Variants in BCKDHB observed in about 807,000 individuals in gnomAD.
BCKDHB encodes the protein branched chain keto acid dehydrogenase E1 subunit beta.
In BCKDHB, 41 loss-of-function variants were observed where a neutral mutation model predicts 48.5. The observed-to-expected ratio is 0.85, with a 90% CI of 0.66 to 1.10. BCKDHB has a LOEUF of 1.10. BCKDHB is among the 50% of genes least tolerant of loss of function. The pLI is 0.00. For synonymous variants in BCKDHB, 201 were observed against 174.8 expected (o/e 1.15, Z -1.18); for missense variants, 496 against 494.2 (o/e 1.00, Z -0.03).
the BCKDHB span, among the ~76,000 whole-genome samples, chr6:80,395,029 C>T: frequency 6.6e-6 from 1 of 152,252 alleles, no homozygotes; most frequent in African/African-American, 2.4e-5. Context: ...TTTTCTGAGG[C>T]CCTCCCAGCC....
intron 6 of BCKDHB, among the ~76,000 whole-genome samples, chr6:80,200,425 C>T (rs531629541): frequency 5.5e-4 from 83 of 152,210 alleles, no homozygotes; most frequent in Admixed American, 1.3e-4. Context: ...TCCAAACCCC[C>T]ATAAATTTGC....
chr6:80,403,807 A>G, the BCKDHB span, among the ~76,000 whole-genome samples: 1 of 151,976 alleles, frequency 6.6e-6, no homozygotes, highest in African/African-American at 2.4e-5. Context: ...ATTTTGTTGC[A>G]TGCCTTTTCT....
intron 8 of BCKDHB, among the ~76,000 whole-genome samples, chr6:80,220,304 G>GTTTTTTTTTTTTTTTTTTT (rs56967096): frequency 2.6e-4 from 16 of 60,852 alleles, no homozygotes; most frequent in Non-Finnish European, 3.8e-4. Context: ...CATGCTATTT[G>GTTTTTTTTTTTTTTTTTTT]TTTTTTTTTT....
intron 9 of BCKDHB, among the ~76,000 whole-genome samples, chr6:80,326,437 G>A (rs1769033366): frequency 6.6e-6 from 1 of 152,138 alleles, no homozygotes; most frequent in Admixed American, 6.5e-5. Context: ...CCATAGTATA[G>A]TATAGGTTAT....
intron 8 of BCKDHB, among the ~76,000 whole-genome samples, chr6:80,226,692 A>G (rs1333517425): frequency 2.6e-5 from 4 of 152,212 alleles, no homozygotes; most frequent in Admixed American, 6.5e-5. Context: ...GTTTTAGTGA[A>G]TGGGTGAGAA....
chr6:80,381,090 G>C, the BCKDHB span, among the ~76,000 whole-genome samples: 1 of 151,842 alleles, frequency 6.6e-6, no homozygotes, highest in Admixed American at 6.6e-5. Context: ...AAATGATCTG[G>C]TATTATTTTG....
At chr6:80,364,742 A>G in the BCKDHB span, among the ~76,000 whole-genome samples, 3 of 152,190 alleles carry the variant, frequency 2.0e-5, no homozygotes, top group African/African-American at 7.2e-5. Flanking sequence ...AATGTTGGCA[A>G]TTCATAGAAA....
chr6:80,370,812 ATATATATGTG>A, the BCKDHB span, among the ~76,000 whole-genome samples: 16 of 108,332 alleles, frequency 1.5e-4, no homozygotes, highest in African/African-American at 4.8e-4. Context: ...GTGTGTGTAT[ATATATATGTG>A]TGTGTGTGTG....
chr6:80,168,018 A>G (rs1320797050), intron 4 of BCKDHB, among the ~76,000 whole-genome samples: 1 of 152,140 alleles, frequency 6.6e-6, no homozygotes, highest in Non-Finnish European at 1.5e-5. Flanking sequence ...AGTGGCTCAC[A>G]TCTGCAATCC....
the BCKDHB span, among the ~76,000 whole-genome samples, chr6:80,418,022 G>A: frequency 9.9e-5 from 15 of 151,938 alleles, no homozygotes; most frequent in African/African-American, 3.4e-4. Context: ...TGGAGGTTTT[G>A]TTTTTTCCTT....
intron 1 of BCKDHB, among the ~76,000 whole-genome samples, chr6:80,120,945 T>A (rs1020232098): frequency 6.6e-6 from 1 of 152,232 alleles, no homozygotes; most frequent in African/African-American, 2.4e-5. Context: ...CCTATACCTA[T>A]GTCCTGAATG....
At chr6:80,129,407 A>G (rs1276435536) in intron 3 of BCKDHB, among the ~76,000 whole-genome samples, 178 bp downstream of exon 3, 1 of 152,138 alleles carries the variant, frequency 6.6e-6, no homozygotes, top group African/African-American at 2.4e-5. Flanking sequence ...GTCTTCTAGT[A>G]TCCCTCTGAT....
At chr6:80,232,049 C>A (rs1775947668) in intron 8 of BCKDHB, among the ~76,000 whole-genome samples, 1 of 152,180 alleles carries the variant, frequency 6.6e-6, no homozygotes, top group African/African-American at 2.4e-5. Context: ...AAAATTTATT[C>A]TGTTTTTTCA....
the BCKDHB span, among the ~76,000 whole-genome samples, chr6:80,389,023 G>A: frequency 6.6e-6 from 1 of 152,210 alleles, no homozygotes; most frequent in East Asian, 1.9e-4. Flanking sequence ...TGGAAAATTG[G>A]TGACAAAGAA....
chr6:80,341,904 A>G (rs896945812), intron 9 of BCKDHB, among the ~76,000 whole-genome samples: 2 of 152,192 alleles, frequency 1.3e-5, no homozygotes, highest in Non-Finnish European at 2.9e-5. Context: ...TAATCCACCC[A>G]GTCTGTCATC....
chr6:80,147,880 G>T (rs2127749725), intron 3 of BCKDHB, among the ~76,000 whole-genome samples: 1 of 152,212 alleles, frequency 6.6e-6, no homozygotes, highest in African/African-American at 2.4e-5. Flanking sequence ...CATCAGTCAG[G>T]GAGAATTGAC....
the BCKDHB span, among the ~76,000 whole-genome samples, chr6:80,410,847 C>A: frequency 6.6e-6 from 1 of 152,196 alleles, no homozygotes; most frequent in African/African-American, 2.4e-5. Flanking sequence ...ATTCGTCTAA[C>A]CTTTTTTCAA....
chr6:80,374,133 A>G, the BCKDHB span: 10 of 710,616 alleles, frequency 1.4e-5, no homozygotes, highest in East Asian at 5.6e-5. Flanking sequence ...GCTCATCTCA[A>G]TGTGGCAGGG....
At chr6:80,458,989 T>C in the BCKDHB span, among the ~76,000 whole-genome samples, 14 of 152,228 alleles carry the variant, frequency 9.2e-5, no homozygotes, top group Non-Finnish European at 2.1e-4. Flanking sequence ...ATAAGTGCTG[T>C]TGAGGATGTG....
Sources: gnomAD v4.1 joint callset for allele counts (sites outside exome capture counted in the v4.1 genomes callset) on GRCh38, gnomAD v4.1.1 for gene constraint, MANE v1.5 for transcripts, NCBI Gene and HGNC (gene_info 2026-07-23, HGNC 2026-07-21) for gene names.